Variants in CBLB observed in about 807,000 individuals in gnomAD.
CBLB encodes the protein E3 ubiquitin-protein ligase CBL-B.
CBLB carries 31 observed loss-of-function variants against 104.9 expected under a neutral mutation model. The observed-to-expected ratio is 0.30, with a 90% CI of 0.22 to 0.40. The LOEUF (loss-of-function observed/expected upper bound fraction) is 0.40, where lower values mean the gene tolerates loss of function less well. CBLB is among the 10% of genes least tolerant of loss of function. The pLI is 1.00. For synonymous variants in CBLB, 440 were observed against 422.6 expected (o/e 1.04, Z -0.51); for missense variants, 1,062 against 1,214.6 (o/e 0.87, Z 1.87).
At chr3:105,863,710 C>T (rs2092263295) in intron 2 of CBLB, among the ~76,000 whole-genome samples, 1 of 152,034 alleles carries the variant, frequency 6.6e-6, no homozygotes, top group African/African-American at 2.4e-5. Flanking sequence ...ACTAAATAGA[C>T]TGAGGGCAAA....
Position 105,720,004 on chromosome 3 carries a change from T to C in CBLB, c.1407+43A>G, listed in dbSNP as rs781698574. 4.9e-6 allele frequency: 7 copies of C among 1,417,020 alleles called. No homozygotes were observed. In the East Asian group the frequency reaches 9.1e-5, roughly 18 times the overall value. The allele number at this position is 1,417,020 out of a possible 1,614,324, so 87.8% of individuals were successfully genotyped here. On this transcript the variant is annotated intron_variant, in intron 10 of 18. Coordinates refer to ENST00000394030, the MANE Select transcript of CBLB (RefSeq NM_170662.5). ...TTATGACGGCATCATTTCCTTTTCA[T>C]ATGGTCACATCACCTTAACTAAACC...
intron 5 of CBLB, among the ~76,000 whole-genome samples, chr3:105,748,991 C>A (rs904492765): frequency 1.3e-5 from 2 of 151,998 alleles, no homozygotes; most frequent in African/African-American, 4.8e-5. Context: ...ATGTATGTTC[C>A]CGCAGTCACA....
At chr3:105,693,895 A>G (rs767969205) in intron 12 of CBLB, among the ~76,000 whole-genome samples, 2 of 152,006 alleles carry the variant, frequency 1.3e-5, no homozygotes, top group Non-Finnish European at 2.9e-5. Flanking sequence ...AAATTCACCA[A>G]CTATGATCAG....
intron 5 of CBLB, among the ~76,000 whole-genome samples, chr3:105,750,913 T>C (rs1204397280): frequency 6.6e-6 from 1 of 152,208 alleles, no homozygotes; most frequent in Non-Finnish European, 1.5e-5. Context: ...AGGGAACTGA[T>C]GAAGAATATT....
intron 9 of CBLB, among the ~76,000 whole-genome samples, chr3:105,721,727 A>C (rs1201889090): frequency 6.6e-6 from 1 of 152,176 alleles, no homozygotes; most frequent in Non-Finnish European, 1.5e-5. Flanking sequence ...ACAGATAACA[A>C]AACCAAGATT....
At chr3:105,671,412 T>A (rs998923990) in intron 17 of CBLB, 1 of 216,516 alleles carries the variant, frequency 4.6e-6, no homozygotes, top group East Asian at 6.8e-5. Flanking sequence ...AAATCAAACA[T>A]AGCACCTAGA....
At chr3:105,743,474 A>T (rs971562174) in intron 6 of CBLB, among the ~76,000 whole-genome samples, 17 of 150,572 alleles carry the variant, frequency 1.1e-4, no homozygotes, top group African/African-American at 2.7e-4. Flanking sequence ...AAAAAAAAAA[A>T]TTAAAAAAAA....
intron 6 of CBLB, among the ~76,000 whole-genome samples, chr3:105,744,080 G>A (rs1412743210): frequency 1.3e-5 from 2 of 152,214 alleles, no homozygotes; most frequent in East Asian, 3.9e-4. Flanking sequence ...TTATCAGAGG[G>A]CAGTAGTTTT....
At chr3:105,663,287 A>G (rs1228412328) in intron 18 of CBLB, among the ~76,000 whole-genome samples, 1 of 152,204 alleles carries the variant, frequency 6.6e-6, no homozygotes, top group Non-Finnish European at 1.5e-5. Flanking sequence ...AAACAAAAGA[A>G]ACTGTTTTAA....
chr3:105,728,109 T>C (rs1468125722), intron 9 of CBLB, among the ~76,000 whole-genome samples: 1 of 152,214 alleles, frequency 6.6e-6, no homozygotes, highest in Non-Finnish European at 1.5e-5. Context: ...TGGGGATAGA[T>C]TGAATCTATA....
chr3:105,763,946 A>T (rs1394124775), intron 4 of CBLB, among the ~76,000 whole-genome samples: 1 of 152,200 alleles, frequency 6.6e-6, no homozygotes, highest in Non-Finnish European at 1.5e-5. Context: ...TAAAAGATGC[A>T]AAGAGGGCCA....
Position 105,665,442 on chromosome 3 carries a change from TAC to T in CBLB, c.2689+4789_2689+4790del, listed in dbSNP as rs1159402124. Among the ~76,000 whole-genome samples the T allele has an allele frequency of 2.6e-3, 175 of 67,204 alleles. 1 individual carries two copies. In the East Asian group the frequency reaches 0.05, roughly 19 times the overall value. 44.1% of individuals were successfully genotyped at this position (67,204 alleles called of 152,430 possible). A position where few individuals can be genotyped will look rare whatever the true frequency, so the allele number is the denominator to read the frequency against. ...ATATATATATATATATATATATATA[TAC>T]ACACACACACACATATATATACACA... On this transcript the variant is annotated intron_variant, in intron 18 of 18. Coordinates refer to ENST00000394030, the MANE Select transcript of CBLB (RefSeq NM_170662.5).
chr3:105,854,298 C>T (rs2153124188), intron 2 of CBLB, among the ~76,000 whole-genome samples: 1 of 152,304 alleles, frequency 6.6e-6, no homozygotes, highest in East Asian at 1.9e-4. Context: ...CTGGGGCGTT[C>T]AGGGGCTGCC....
rs139579222 is a variant in CBLB, at chr3:105,864,213, A to G, written c.168+3197T>C. Among the ~76,000 whole-genome samples, 15 of 152,270 alleles carry G rather than the reference A, an allele frequency of 9.9e-5. No individual in the cohort carries two copies. In the East Asian group the frequency reaches 2.9e-3, roughly 29 times the overall value. On this transcript the variant is annotated intron_variant, in intron 2 of 18. Coordinates refer to ENST00000394030, the MANE Select transcript of CBLB (RefSeq NM_170662.5). Reference sequence around the variant, plus strand: ...TGTAATATAGCCCTTTCCATACTACATGGCAATTATCCATTTATGTGTTTG... The same window carrying G: ...TGTAATATAGCCCTTTCCATACTACGTGGCAATTATCCATTTATGTGTTTG...
chr3:105,764,675 C>T (rs892797562), intron 4 of CBLB, among the ~76,000 whole-genome samples: 2 of 152,102 alleles, frequency 1.3e-5, no homozygotes, highest in African/African-American at 4.8e-5. Flanking sequence ...TAATTATGGA[C>T]ATGATTAAGT....
intron 10 of CBLB, 29 bp downstream of exon 10, chr3:105,720,018 C>G: frequency 6.6e-7 from 1 of 1,518,124 alleles, no homozygotes; most frequent in Non-Finnish European, 9.2e-7. Context: ...GTCACATCAC[C>G]TTAACTAAAC....
rs555581244 is a variant in CBLB, at chr3:105,827,657, AG to A, written c.419+25756del. ...ATGAGGGAGGAAGACAAAGAAAGGG[AG>A]GCAAAGCAGACACAAAAATTTAAGA... On this transcript the variant is annotated intron_variant, in intron 3 of 18. Coordinates refer to ENST00000394030, the MANE Select transcript of CBLB (RefSeq NM_170662.5). Among the ~76,000 whole-genome samples the A allele has an allele frequency of 2.6e-5, 4 of 152,250 alleles. No homozygotes were observed. In the East Asian group the frequency reaches 7.7e-4, roughly 29 times the overall value.
intron 18 of CBLB, among the ~76,000 whole-genome samples, chr3:105,661,373 TTA>T (rs2063775645): frequency 1.3e-5 from 2 of 152,196 alleles, no homozygotes; most frequent in Admixed American, 1.3e-4. Flanking sequence ...GGACAATAAA[TTA>T]TGTTTTGCTT....
At position 105,853,352 on chromosome 3, in the gene CBLB, C is replaced by T. The variant is rs769848361; in HGVS notation, c.419+62G>A. The T allele has an allele frequency of 9.6e-6, 15 of 1,557,896 alleles. No individual in the cohort carries two copies. The Middle Eastern group carries it at 1.8e-3, about 192-fold the overall frequency. ...AATTACATGGTGACGTTTAGGTTAA[C>T]TATTAAGTAAAAAGCAACATAAATG... On this transcript the variant is annotated intron_variant, in intron 3 of 18. Transcript: ENST00000394030.
Sources: gnomAD v4.1 joint callset for allele counts (sites outside exome capture counted in the v4.1 genomes callset) on GRCh38, gnomAD v4.1.1 for gene constraint, MANE v1.5 for transcripts, NCBI Gene and HGNC (gene_info 2026-07-23, HGNC 2026-07-21) for gene names.